The following KLHL29 variants were observed in gnomAD, a reference collection of about 807,000 sequenced individuals.
KLHL29 encodes kelch-like protein 29.
Under a neutral mutation model 80.4 loss-of-function variants are expected in KLHL29, and 21 were observed. The observed-to-expected ratio is 0.26, with a 90% CI of 0.19 to 0.38. The LOEUF (loss-of-function observed/expected upper bound fraction) is 0.38. Among genes scored for constraint, KLHL29 ranks in the 10% least tolerant of loss-of-function variants. KLHL29 has a pLI of 1.00. For synonymous variants in KLHL29, 511 were observed against 526.8 expected (o/e 0.97, Z 0.41); for missense variants, 867 against 1,223.9 (o/e 0.71, Z 4.35).
intron 1 of KLHL29, among the ~76,000 whole-genome samples, chr2:23,467,345 A>G (rs1664380306): frequency 6.6e-6 from 1 of 152,232 alleles, no homozygotes; most frequent in Non-Finnish European, 1.5e-5. Flanking sequence ...TCCAGCTCCT[A>G]GGCTCTTTCC....
intron 1 of KLHL29, among the ~76,000 whole-genome samples, chr2:23,408,732 G>T (rs1386913994): frequency 6.6e-6 from 1 of 152,190 alleles, no homozygotes; most frequent in East Asian, 1.9e-4. Flanking sequence ...TATACCCAGG[G>T]ATGTCTGGGA....
rs1666514636 is a variant in KLHL29 at position 23,398,674 on chromosome 2, C to G, written c.-154+12894C>G. Among the ~76,000 whole-genome samples the G allele has an allele frequency of 5.3e-5, 8 of 152,342 alleles. No individual in the cohort carries two copies. In the South Asian group the frequency reaches 1.7e-3, roughly 32 times the overall value. On this transcript the variant is annotated intron_variant, in intron 1 of 13. Transcript: ENST00000486442. ...GTGAGCCCTTGGGCCATGTCTCTTT[C>G]TAGCTGTTTTCAGAGAAGGTTCCAA...
chr2:23,645,504 C>G (rs1669900285), intron 5 of KLHL29, among the ~76,000 whole-genome samples: 1 of 152,182 alleles, frequency 6.6e-6, no homozygotes, highest in Admixed American at 6.5e-5. Context: ...TGTTTGAAAC[C>G]TTGCCCAGCA....
chr2:23,571,372 G>A (rs1667713213), intron 3 of KLHL29, among the ~76,000 whole-genome samples: 2 of 152,332 alleles, frequency 1.3e-5, no homozygotes, highest in Non-Finnish European at 2.9e-5. Context: ...TCTGTAGTGG[G>A]CATTGCTGCC....
chr2:23,461,975 C>CT (rs1164075132), intron 1 of KLHL29, among the ~76,000 whole-genome samples: 14 of 79,548 alleles, frequency 1.8e-4, no homozygotes, highest in South Asian at 1.0e-3. Context: ...CGGTTTTTGC[C>CT]ATTTTTTTTT....
At chr2:23,657,295 G>A (rs1472673193) in intron 5 of KLHL29, among the ~76,000 whole-genome samples, 1 of 152,190 alleles carries the variant, frequency 6.6e-6, no homozygotes, top group Non-Finnish European at 1.5e-5. Context: ...TCGTGATGTA[G>A]CGTATTCAAG....
intron 1 of KLHL29, among the ~76,000 whole-genome samples, chr2:23,470,994 G>A (rs542118603): frequency 2.0e-5 from 3 of 152,330 alleles, no homozygotes; most frequent in Admixed American, 6.5e-5. Context: ...ATGAATGAGC[G>A]TTCCCCTTGC....
chr2:23,630,079 G>A (rs919655414), intron 3 of KLHL29, among the ~76,000 whole-genome samples: 1 of 152,236 alleles, frequency 6.6e-6, no homozygotes, highest in Non-Finnish European at 1.5e-5. Flanking sequence ...AAATGCTCCC[G>A]TATTTGGCAT....
At chr2:23,423,082 C>T (rs1216764026) in intron 1 of KLHL29, among the ~76,000 whole-genome samples, 4 of 151,754 alleles carry the variant, frequency 2.6e-5, no homozygotes, top group African/African-American at 4.9e-5. Flanking sequence ...GGAGCCGTGG[C>T]GGGGAGCCGC....
chr2:23,615,143 ACTGTGGGT>A lies in KLHL29; in HGVS notation c.286-23992_286-23985del, dbSNP rs1416512398. 9.2e-5 allele frequency among the ~76,000 whole-genome samples: 14 copies of A among 152,286 alleles called. No individual in the cohort carries two copies. In the South Asian group the frequency reaches 2.7e-3, roughly 29 times the overall value. On this transcript the variant is annotated intron_variant, in intron 3 of 13. Transcript: ENST00000486442. Reference sequence around the variant, plus strand: ...TGAACCTGGTGCCTGGGGAGCACGCACTGTGGGTCTGCGATGAGCCAGGCCTTCTCCTG... The same window carrying A: ...TGAACCTGGTGCCTGGGGAGCACGCACTGCGATGAGCCAGGCCTTCTCCTG...
intron 3 of KLHL29, among the ~76,000 whole-genome samples, chr2:23,606,812 C>T (rs1296042641): frequency 6.6e-6 from 1 of 152,198 alleles, no homozygotes; most frequent in African/African-American, 2.4e-5. Flanking sequence ...ACACCCTTAG[C>T]TAGGGCTTAT....
chr2:23,570,900 C>G (rs745502819), intron 3 of KLHL29, among the ~76,000 whole-genome samples: 45 of 152,364 alleles, frequency 3.0e-4, no homozygotes, highest in Non-Finnish European at 6.0e-4. Flanking sequence ...TGGAGCATCC[C>G]AAGCTGGTTC....
chr2:23,613,417 C>T (rs76380758), intron 3 of KLHL29, among the ~76,000 whole-genome samples: 1 of 152,136 alleles, frequency 6.6e-6, no homozygotes, highest in Non-Finnish European at 1.5e-5. Context: ...ACATCAGTAT[C>T]ACACAAAATT....
At chr2:23,418,398 C>G (rs935767870) in intron 1 of KLHL29, among the ~76,000 whole-genome samples, 1 of 152,082 alleles carries the variant, frequency 6.6e-6, no homozygotes, top group South Asian at 2.1e-4. Context: ...ACTCCCACCC[C>G]CGTCCAAGCA....
intron 2 of KLHL29, among the ~76,000 whole-genome samples, chr2:23,518,919 C>T (rs555773420): frequency 1.2e-4 from 19 of 152,338 alleles, no homozygotes; most frequent in African/African-American, 3.6e-4. Flanking sequence ...TCAGTCTCCT[C>T]TGCTTTCTCG....
At chr2:23,602,748 C>T (rs1452013577) in intron 3 of KLHL29, among the ~76,000 whole-genome samples, 1 of 151,982 alleles carries the variant, frequency 6.6e-6, no homozygotes, top group Non-Finnish European at 1.5e-5. Context: ...GGCACCACTC[C>T]CGACCTCTAC....
intron 3 of KLHL29, among the ~76,000 whole-genome samples, chr2:23,631,431 A>G (rs990941242): frequency 2.0e-5 from 3 of 152,252 alleles, no homozygotes; most frequent in African/African-American, 7.2e-5. Context: ...TTAAACCATC[A>G]TGCAGTTTCC....
chr2:23,482,307 G>A (rs1224970233), intron 2 of KLHL29, among the ~76,000 whole-genome samples: 3 of 152,166 alleles, frequency 2.0e-5, no homozygotes, highest in African/African-American at 2.4e-5. Context: ...TATTTTTACG[G>A]CAAAATTTGA....
intron 2 of KLHL29, among the ~76,000 whole-genome samples, chr2:23,497,171 G>A (rs527817667): frequency 8.1e-4 from 124 of 152,234 alleles, no homozygotes; most frequent in African/African-American, 2.9e-3. Flanking sequence ...GCCTTCAGTC[G>A]GTGGGTATTT....
Sources: gnomAD v4.1 joint callset for allele counts (sites outside exome capture counted in the v4.1 genomes callset) on GRCh38, gnomAD v4.1.1 for gene constraint, MANE v1.5 for transcripts, NCBI Gene and HGNC (gene_info 2026-07-23, HGNC 2026-07-21) for gene names.